SRSF11: variants seen among roughly 807,000 people sequenced by gnomAD.
The protein encoded by SRSF11 is serine and arginine rich splicing factor 11.
SRSF11 carries 9 observed loss-of-function variants against 56.0 expected under a neutral mutation model. That is an observed-to-expected ratio of 0.16 (90% CI 0.10 to 0.28). The LOEUF (loss-of-function observed/expected upper bound fraction) is 0.28, where lower values mean the gene tolerates loss of function less well. Ranked by LOEUF, SRSF11 falls within the 10% of genes least tolerant of loss-of-function variation. The pLI is 1.00. For synonymous variants in SRSF11, 222 were observed against 215.3 expected (o/e 1.03, Z -0.27); for missense variants, 421 against 600.7 (o/e 0.70, Z 3.13).
chr1:70,218,057 T>C (rs1670178204), upstream of SRSF11, among the ~76,000 whole-genome samples: 1 of 152,116 alleles, frequency 6.6e-6, no homozygotes, highest in African/African-American at 2.4e-5. Flanking sequence ...GGACGCGATC[T>C]CGGTTCACGC....
At position 70,237,411 on chromosome 1, in the gene SRSF11, T is replaced by C. The variant is rs1305157022; in HGVS notation, c.591-14T>C. The C allele has an allele frequency of 1.9e-6, 3 of 1,610,816 alleles. No homozygotes were observed. The highest frequency in any genetic ancestry group is 1.7e-6 in the Non-Finnish European group (2 of 1,179,534). On this transcript the variant is annotated splice_polypyrimidine_tract_variant and intron_variant, in intron 5 of 11. Coordinates refer to ENST00000370949, the MANE Select transcript of SRSF11 (RefSeq NM_001350605.2). ...TTAAAATATTTCAGATCCCATTTCT[T>C]GGTTCTGTTTCAGGTTGAATCATGT...
At chr1:70,227,352 A>G (rs1262253943) in intron 1 of SRSF11, among the ~76,000 whole-genome samples, 1 of 152,114 alleles carries the variant, frequency 6.6e-6, no homozygotes, top group African/African-American at 2.4e-5. Context: ...TGTAAGTGTT[A>G]TATTGATGTT....
At chr1:70,246,751 G>C (rs1676857971) in intron 8 of SRSF11, 67 bp from the exon 9 acceptor site, 1 of 927,752 alleles carries the variant, frequency 1.1e-6, no homozygotes, top group Non-Finnish European at 1.7e-6. Flanking sequence ...TTTTGTGTTT[G>C]TAGTGCTATA....
At chr1:70,247,851 C>T (rs1359324506) in intron 9 of SRSF11, among the ~76,000 whole-genome samples, 1 of 151,916 alleles carries the variant, frequency 6.6e-6, no homozygotes, top group African/African-American at 2.4e-5. Context: ...TTAAAAATGG[C>T]AAAGAATCTG....
At chr1:70,246,434 G>A (rs1676780611) in intron 8 of SRSF11, among the ~76,000 whole-genome samples, 1 of 152,082 alleles carries the variant, frequency 6.6e-6, no homozygotes, top group African/African-American at 2.4e-5. Flanking sequence ...TTTTGGTAGT[G>A]CTCTATGGGT....
chr1:70,235,851 A>AG (rs1360478636), intron 5 of SRSF11, among the ~76,000 whole-genome samples: 2 of 152,242 alleles, frequency 1.3e-5, no homozygotes, highest in Admixed American at 1.3e-4. Flanking sequence ...TGAGGATAGT[A>AG]GGAGTTAGAG....
intron 1 of SRSF11, among the ~76,000 whole-genome samples, chr1:70,225,703 G>A (rs947275447): frequency 6.6e-6 from 1 of 152,126 alleles, no homozygotes; most frequent in African/African-American, 2.4e-5. Flanking sequence ...CAGAGGACAC[G>A]TAAGAACTGT....
At chr1:70,225,700 C>T (rs1408389717) in intron 1 of SRSF11, among the ~76,000 whole-genome samples, 1 of 152,248 alleles carries the variant, frequency 6.6e-6, no homozygotes, top group East Asian at 1.9e-4. Flanking sequence ...CCTCAGAGGA[C>T]ACGTAAGAAC....
chr1:70,216,274 A>AT (rs201425933), intron 1 of SRSF11, among the ~76,000 whole-genome samples: 15 of 148,300 alleles, frequency 1.0e-4, no homozygotes, highest in Admixed American at 2.0e-4. Context: ...GCACCAGTTA[A>AT]TTTTTTTTTT....
At chr1:70,212,527 G>A (rs1407134528) in intron 1 of SRSF11, among the ~76,000 whole-genome samples, 1 of 152,162 alleles carries the variant, frequency 6.6e-6, no homozygotes, top group East Asian at 1.9e-4. Context: ...AAAGTGCTGG[G>A]ATTACAGGTG....
At chr1:70,206,926 T>G (rs991330794) in intron 1 of SRSF11, among the ~76,000 whole-genome samples, 9 of 149,338 alleles carry the variant, frequency 6.0e-5, no homozygotes, top group African/African-American at 1.7e-4. Context: ...AAGTCTGGTC[T>G]GTCGCCTAGG....
intron 6 of SRSF11, among the ~76,000 whole-genome samples, chr1:70,238,111 A>T (rs953151450): frequency 6.6e-6 from 1 of 152,140 alleles, no homozygotes; most frequent in African/African-American, 2.4e-5. Context: ...AATAAATGGG[A>T]ATGTTTTTTA....
chr1:70,207,474 T>G (rs1047138837), intron 1 of SRSF11, among the ~76,000 whole-genome samples: 2 of 152,146 alleles, frequency 1.3e-5, no homozygotes, highest in Non-Finnish European at 2.9e-5. Flanking sequence ...AACCTTTCTT[T>G]TTAATCACCA....
chr1:70,246,046 ATGAAAT>A (rs771951777), intron 8 of SRSF11, among the ~76,000 whole-genome samples: 28 of 152,302 alleles, frequency 1.8e-4, no homozygotes, highest in Admixed American at 3.9e-4. Context: ...AGGGAAAAAA[ATGAAAT>A]TGAGAATGCA....
chr1:70,244,648 T>G (rs977990232), intron 7 of SRSF11, 36 bp from the exon 8 acceptor site: 1 of 1,595,676 alleles, frequency 6.3e-7, no homozygotes, highest in Non-Finnish European at 8.6e-7. Flanking sequence ...CTTTTTACAT[T>G]TATACACATG....
At chr1:70,239,620 T>A in intron 7 of SRSF11, 100 bp downstream of exon 7, 1 of 871,364 alleles carries the variant, frequency 1.1e-6, no homozygotes, top group Non-Finnish European at 1.8e-6. Flanking sequence ...CTGGTTAAAG[T>A]GTTTTAGTAA....
rs780181916 is a variant in SRSF11, at chr1:70,250,842, T to C, written c.*37T>C. 7 of 1,545,392 alleles carry C rather than the reference T, an allele frequency of 4.5e-6. No individual in the cohort carries two copies. Among genetic ancestry groups the C allele is most frequent in the Non-Finnish European group, 6.3e-6 (7 of 1,119,126 alleles). ...GAGGGAGTCCAACTGTATACCTGCATCAGTGTCATTCCTTTGTGTGATTTC... is the reference window on the plus strand; with the variant it reads ...GAGGGAGTCCAACTGTATACCTGCACCAGTGTCATTCCTTTGTGTGATTTC... On this transcript the variant is annotated 3_prime_UTR_variant, in exon 12 of 12. Coordinates refer to ENST00000370949, the MANE Select transcript of SRSF11 (RefSeq NM_001350605.2).
chr1:70,247,784 C>A (rs1677087791), intron 9 of SRSF11, among the ~76,000 whole-genome samples: 1 of 152,058 alleles, frequency 6.6e-6, no homozygotes, highest in Non-Finnish European at 1.5e-5. Flanking sequence ...TTAGAAAATT[C>A]TTTATATATT....
chr1:70,226,759 G>A (rs530434765), intron 1 of SRSF11, among the ~76,000 whole-genome samples: 89 of 152,354 alleles, frequency 5.8e-4, no homozygotes, highest in African/African-American at 2.1e-3. Flanking sequence ...GTACTTGACA[G>A]TGAGGCACAC....
Sources: gnomAD v4.1 joint callset for allele counts (sites outside exome capture counted in the v4.1 genomes callset) on GRCh38, gnomAD v4.1.1 for gene constraint, MANE v1.5 for transcripts, NCBI Gene and HGNC (gene_info 2026-07-23, HGNC 2026-07-21) for gene names.